Variants in GSPT1 observed in about 807,000 individuals in gnomAD.
GSPT1 encodes G1 to S phase transition 1, also known as eukaryotic peptide chain release factor GTP-binding subunit ERF3A.
A neutral mutation model predicts 72.5 loss-of-function variants in GSPT1; 20 were observed. That is an observed-to-expected ratio of 0.28 (90% CI 0.19 to 0.40). GSPT1 has a LOEUF of 0.40. GSPT1 is among the 10% of genes least tolerant of loss of function. The probability of loss-of-function intolerance (pLI) is 1.00; values close to 1 mark genes in which losing one functional copy is unlikely to be tolerated. For synonymous variants in GSPT1, 334 were observed against 293.5 expected, an observed-to-expected ratio of 1.14 and a Z score of -1.41; for missense variants, 580 against 811.9, an observed-to-expected ratio of 0.71 and a Z score of 3.47.
intron 1 of GSPT1, among the ~76,000 whole-genome samples, chr16:11,907,429 T>C (rs998840663): frequency 2.0e-5 from 3 of 152,218 alleles, no homozygotes; most frequent in Non-Finnish European, 2.9e-5. Flanking sequence ...CAAGAGAATG[T>C]TGTGAAGACT....
intron 9 of GSPT1, 48 bp downstream of exon 9, chr16:11,886,423 T>C: frequency 7.7e-7 from 1 of 1,301,306 alleles, no homozygotes; most frequent in Non-Finnish European, 1.1e-6. Flanking sequence ...GTAATTTAAG[T>C]AATAACATCC....
In GSPT1 at chr16:11,915,866, G is replaced by A. The variant is rs758858596; in HGVS notation, c.-146C>T. 2.4e-6 allele frequency: 3 copies of A among 1,252,740 alleles called. No individual in the cohort carries two copies. The African/African-American group carries it at 4.4e-5, about 19-fold the overall frequency. The allele number at this position is 1,252,740 out of a possible 1,614,324, so 77.6% of individuals were successfully genotyped here. The stretch of plus-strand genomic sequence containing the variant: ...AGCGACAAAGATCCCCGGCGTCGCC[G>A]CGGCAGCAGCTCCAGTCCCGACTCC... On this transcript the variant is annotated 5_prime_UTR_variant, in exon 1 of 15. Transcript: ENST00000434724.
chr16:11,886,923 T>C lies in GSPT1; in HGVS notation c.966A>G (p.Ser322=). 1 of 1,613,662 alleles carries C rather than the reference T, an allele frequency of 6.2e-7. No homozygotes were observed. The highest frequency in any genetic ancestry group is 2.2e-5 in the East Asian group (1 of 44,864). The change falls in exon 8 of 15, where the codon TCA becomes TCG. Residue 322 remains serine (S), a synonymous_variant. Coordinates refer to ENST00000434724, the MANE Select transcript of GSPT1 (RefSeq NM_002094.4). ...SQADLAVLVI[S]ARKGEFETGF... ...CAGTTTCAAACTCTCCTTTCCTGGC[T>C]GAGATTACCTAATTCCAAGAAAGGA...
rs553670209 is a variant in GSPT1, at chr16:11,915,194, G to A, written c.352+175C>T. 34 of 1,063,616 alleles carry A rather than the reference G, an allele frequency of 3.2e-5. No individual in the cohort carries two copies. The South Asian group carries it at 1.3e-3, about 41-fold the overall frequency. The allele number at this position is 1,063,616 out of a possible 1,614,324, so 65.9% of individuals were successfully genotyped here. ...GCTCCCCGCCCGGCCACCGCCGCGG[G>A]CCGCCCCGCGAAGGCCGGCTCCCGG... On this transcript the variant is annotated intron_variant, in intron 1 of 14. Coordinates refer to ENST00000434724, the MANE Select transcript of GSPT1 (RefSeq NM_002094.4).
upstream of GSPT1, chr16:11,915,992 A>G (rs373369734): frequency 3.3e-4 from 231 of 693,252 alleles, 1 homozygote; most frequent in African/African-American, 3.4e-3. Flanking sequence ...CGACGGCCTC[A>G]CAGCCAACCC....
intron 9 of GSPT1, among the ~76,000 whole-genome samples, 182 bp from the exon 10 acceptor site, chr16:11,885,456 T>TATAA (rs2054176018): frequency 6.6e-6 from 1 of 152,222 alleles, no homozygotes; most frequent in South Asian, 2.1e-4. Flanking sequence ...AACTGCTCAG[T>TATAA]ATAAGGCTTC....
At chr16:11,904,713 G>C (rs1286420110) in intron 1 of GSPT1, among the ~76,000 whole-genome samples, 2 of 151,940 alleles carry the variant, frequency 1.3e-5, no homozygotes, top group Non-Finnish European at 2.9e-5. Flanking sequence ...AAACACAAAT[G>C]TTTGGCTAAG....
intron 1 of GSPT1, among the ~76,000 whole-genome samples, chr16:11,900,561 C>G (rs2054393608): frequency 6.6e-6 from 1 of 152,094 alleles, no homozygotes; most frequent in Non-Finnish European, 1.5e-5. Flanking sequence ...ATCTAACATA[C>G]AGGCACATCA....
At chr16:11,895,905 G>A (rs1163627776) in intron 4 of GSPT1, among the ~76,000 whole-genome samples, 2 of 152,214 alleles carry the variant, frequency 1.3e-5, no homozygotes, top group African/African-American at 2.4e-5. Context: ...GATTACAGGC[G>A]CCAGCCACAG....
At chr16:11,890,696 A>G (rs2054247656) in intron 6 of GSPT1, 1 of 157,312 alleles carries the variant, frequency 6.4e-6, no homozygotes, top group Non-Finnish European at 1.4e-5. Context: ...TAATGGTCAT[A>G]TCTTAAGTAC....
At chr16:11,879,103 T>TA (rs1291929017) in intron 11 of GSPT1, among the ~76,000 whole-genome samples, 8 of 8,406 alleles carry the variant, frequency 9.5e-4, no homozygotes, top group African/African-American at 1.8e-3. Flanking sequence ...ATAATAATAA[T>TA]AATAAAAAAA....
At chr16:11,879,767 A>C (rs1393113664) in intron 11 of GSPT1, among the ~76,000 whole-genome samples, 1 of 152,042 alleles carries the variant, frequency 6.6e-6, no homozygotes, top group Non-Finnish European at 1.5e-5. Context: ...AAAACAAAAA[A>C]CAAAAAACAA....
At position 11,891,044 on chromosome 16, in the gene GSPT1, C is replaced by A; in HGVS notation, c.776+18G>T. On this transcript the variant is annotated intron_variant, in intron 6 of 14. Transcript: ENST00000434724. ...CTCCTTAAAAGTAATTTATAAGTGT[C>A]ATAAAAGTTTACTATACCAAGTTTC... 1 of 1,133,814 alleles carries A rather than the reference C, an allele frequency of 8.8e-7. No homozygotes were observed. Among genetic ancestry groups the A allele is most frequent in the South Asian group, 1.4e-5 (1 of 71,304 alleles). The allele number at this position is 1,133,814 out of a possible 1,614,324, so 70.2% of individuals were successfully genotyped here. A position where few individuals can be genotyped will look rare whatever the true frequency, so the allele number is the denominator to read the frequency against.
chr16:11,892,137 A>C (rs2054269483), intron 5 of GSPT1, among the ~76,000 whole-genome samples: 1 of 149,844 alleles, frequency 6.7e-6, no homozygotes, highest in African/African-American at 2.5e-5. Flanking sequence ...TGAGGCCAGG[A>C]GTTTGAGACC....
intron 11 of GSPT1, chr16:11,881,491 T>C (rs1393724117): frequency 6.6e-6 from 1 of 152,146 alleles, no homozygotes; most frequent in Non-Finnish European, 1.5e-5. Context: ...TAGTTTGCAA[T>C]TCAGTGCCAT....
intron 1 of GSPT1, among the ~76,000 whole-genome samples, chr16:11,899,911 G>C (rs1439956411): frequency 2.6e-5 from 4 of 152,154 alleles, no homozygotes; most frequent in Admixed American, 1.3e-4. Context: ...TACCTGAGAG[G>C]ATTGTTGAGG....
At chr16:11,880,695 TG>T (rs1288400475) in intron 11 of GSPT1, among the ~76,000 whole-genome samples, 1 of 152,254 alleles carries the variant, frequency 6.6e-6, no homozygotes, top group Non-Finnish European at 1.5e-5. Context: ...ACTTTTTGGC[TG>T]TTTGTACATC....
At chr16:11,885,081 GAAAGA>G (rs2054171542) in intron 10 of GSPT1, 95 bp downstream of exon 10, 9 of 637,000 alleles carry the variant, frequency 1.4e-5, no homozygotes, top group Admixed American at 2.6e-5. Flanking sequence ...AAAAAAACAA[GAAAGA>G]AAAGAAAAGA....
chr16:11,888,508 T>A (rs933415110), intron 6 of GSPT1, among the ~76,000 whole-genome samples: 1 of 149,018 alleles, frequency 6.7e-6, no homozygotes, highest in Non-Finnish European at 1.5e-5. Flanking sequence ...ATGCTTGTAA[T>A]CCAAGCACTT....
Sources: allele counts gnomAD v4.1 joint callset (sites outside exome capture counted in the v4.1 genomes callset), GRCh38; gene constraint gnomAD v4.1.1; transcripts MANE v1.5; gene names NCBI Gene and HGNC (gene_info 2026-07-23, HGNC 2026-07-21).